The following MECOM variants were observed in gnomAD, a reference collection of about 807,000 sequenced individuals.
MECOM encodes the protein MDS1 and EVI1 complex locus, also known as histone-lysine N-methyltransferase MECOM.
A neutral mutation model predicts 116.3 loss-of-function variants in MECOM; 13 were observed. The ratio of observed to expected loss-of-function variants is 0.11; its 90% CI spans 0.07 to 0.18. MECOM has a LOEUF of 0.18. MECOM is among the 10% of genes least tolerant of loss of function. MECOM has a pLI of 1.00. For missense variants in MECOM, 1,299 were observed against 1,509.0 expected (o/e 0.86, Z 2.31); for synonymous variants, 528 against 535.2 (o/e 0.99, Z 0.19).
At chr3:169,394,814 G>T (rs537184103) in intron 1 of MECOM, among the ~76,000 whole-genome samples, 9 of 152,246 alleles carry the variant, frequency 5.9e-5, no homozygotes, top group African/African-American at 1.9e-4. Context: ...TCATTAATTT[G>T]CATAGTACAA....
At chr3:169,210,355 A>T (rs1750551001) in intron 2 of MECOM, among the ~76,000 whole-genome samples, 1 of 152,152 alleles carries the variant, frequency 6.6e-6, no homozygotes, top group African/African-American at 2.4e-5. Flanking sequence ...AAATAAAAAC[A>T]AACAAACACA....
At chr3:169,492,662 T>C (rs1753234852) in intron 1 of MECOM, among the ~76,000 whole-genome samples, 1 of 152,212 alleles carries the variant, frequency 6.6e-6, no homozygotes, top group Non-Finnish European at 1.5e-5. Flanking sequence ...GAGTAACCAG[T>C]AAAATTAACT....
chr3:169,606,092 C>T (rs545567991), intron 1 of MECOM, among the ~76,000 whole-genome samples: 1 of 152,198 alleles, frequency 6.6e-6, no homozygotes, highest in South Asian at 2.1e-4. Flanking sequence ...TTTAAATATT[C>T]CAAGTGGTAT....
intron 2 of MECOM, among the ~76,000 whole-genome samples, chr3:169,365,825 C>A (rs1729063004): frequency 6.6e-6 from 1 of 151,940 alleles, no homozygotes; most frequent in Non-Finnish European, 1.5e-5. Context: ...AAATAAACTC[C>A]AAGTGACACT....
chr3:169,209,340 C>T (rs538118610), intron 2 of MECOM, among the ~76,000 whole-genome samples: 11 of 152,094 alleles, frequency 7.2e-5, no homozygotes, highest in Admixed American at 7.2e-4. Context: ...GCAAAAAAAG[C>T]CAAAATTGAC....
chr3:169,533,588 T>A (rs1186765332), intron 1 of MECOM, among the ~76,000 whole-genome samples: 1 of 121,236 alleles, frequency 8.2e-6, no homozygotes. Context: ...TTTTTTTTTT[T>A]TTTATTTCCT....
intron 1 of MECOM, among the ~76,000 whole-genome samples, chr3:169,499,642 G>A (rs931698829): frequency 4.6e-5 from 7 of 151,846 alleles, no homozygotes; most frequent in Admixed American, 1.3e-4. Flanking sequence ...GGGATGCAAG[G>A]AAAAACAGGG....
At chr3:169,191,652 AAGAC>A (rs1213565834) in intron 2 of MECOM, among the ~76,000 whole-genome samples, 3 of 148,610 alleles carry the variant, frequency 2.0e-5, no homozygotes, top group African/African-American at 5.0e-5. Flanking sequence ...AGAAAGAAGA[AAGAC>A]AGGAAAAAAC....
chr3:169,480,434 C>T (rs1450174905), intron 1 of MECOM, among the ~76,000 whole-genome samples: 2 of 152,158 alleles, frequency 1.3e-5, no homozygotes, highest in Admixed American at 6.5e-5. Flanking sequence ...CTCATCTGCT[C>T]TCAGTCCACT....
intron 1 of MECOM, among the ~76,000 whole-genome samples, chr3:169,566,559 T>C (rs1003974245): frequency 1.3e-5 from 2 of 152,196 alleles, no homozygotes; most frequent in African/African-American, 2.4e-5. Flanking sequence ...ATGGGGGTTA[T>C]TATTTCCCCA....
intron 2 of MECOM, among the ~76,000 whole-genome samples, chr3:169,275,062 G>C (rs896958483): frequency 6.6e-6 from 1 of 152,166 alleles, no homozygotes; most frequent in South Asian, 2.1e-4. Context: ...AGGTAGCAAA[G>C]TTTCTAGCAG....
chr3:169,233,675 T>C lies in MECOM; in HGVS notation c.376-89843A>G, dbSNP rs118190982. Reference sequence around the variant, plus strand: ...ATTTCTCTGCCAGTGAAACCAGCTTTTAGCAATTGGGTTTTGGGAAAGATG... The same window carrying C: ...ATTTCTCTGCCAGTGAAACCAGCTTCTAGCAATTGGGTTTTGGGAAAGATG... On this transcript the variant is annotated intron_variant, in intron 2 of 16. Coordinates refer to ENST00000651503, the MANE Select transcript of MECOM (RefSeq NM_004991.4). Among the ~76,000 whole-genome samples, 76 of 152,256 alleles carry C rather than the reference T, an allele frequency of 5.0e-4. No individual in the cohort carries two copies. The East Asian group carries it at 9.8e-3, about 20-fold the overall frequency.
At chr3:169,482,501 A>C (rs892295786) in intron 1 of MECOM, among the ~76,000 whole-genome samples, 4 of 151,670 alleles carry the variant, frequency 2.6e-5, no homozygotes, top group African/African-American at 9.7e-5. Flanking sequence ...CGCCCGGCTA[A>C]TTTTTTGTAT....
intron 4 of MECOM, among the ~76,000 whole-genome samples, chr3:169,130,369 C>A (rs1734260512): frequency 6.6e-6 from 1 of 152,150 alleles, no homozygotes; most frequent in Non-Finnish European, 1.5e-5. Context: ...CAGGCTCAAA[C>A]TCTACCAGGC....
intron 2 of MECOM, among the ~76,000 whole-genome samples, chr3:169,165,956 G>C (rs949832359): frequency 2.0e-5 from 3 of 152,082 alleles, no homozygotes; most frequent in Non-Finnish European, 2.9e-5. Flanking sequence ...AACAGCTTAA[G>C]TGAAGGGATT....
intron 1 of MECOM, among the ~76,000 whole-genome samples, chr3:169,486,989 T>A (rs1456439416): frequency 6.6e-6 from 1 of 152,184 alleles, no homozygotes; most frequent in Non-Finnish European, 1.5e-5. Flanking sequence ...CATCAAGTTC[T>A]ATTTAGATTT....
intron 2 of MECOM, among the ~76,000 whole-genome samples, chr3:169,166,501 C>CTTTTTTCCT (rs1743615484): frequency 6.6e-6 from 1 of 152,136 alleles, no homozygotes; most frequent in South Asian, 2.1e-4. Context: ...GATAATACAT[C>CTTTTTTCCT]TATGTACTTA....
chr3:169,238,457 A>G (rs1754373040), intron 2 of MECOM, among the ~76,000 whole-genome samples: 1 of 151,558 alleles, frequency 6.6e-6, no homozygotes, highest in South Asian at 2.1e-4. Flanking sequence ...ACCTGAAATG[A>G]CCACAGCAAT....
chr3:169,461,063 C>CT (rs926504865), intron 1 of MECOM, among the ~76,000 whole-genome samples: 7 of 151,436 alleles, frequency 4.6e-5, no homozygotes, highest in African/African-American at 1.2e-4. Context: ...CCAATGTTTT[C>CT]TTTTTTTTTC....
Sources: allele counts gnomAD v4.1 joint callset (sites outside exome capture counted in the v4.1 genomes callset), GRCh38; gene constraint gnomAD v4.1.1; transcripts MANE v1.5; gene names NCBI Gene and HGNC (gene_info 2026-07-23, HGNC 2026-07-21).